The following PDE11A variants were observed in gnomAD, a reference collection of about 807,000 sequenced individuals.
The protein encoded by PDE11A is dual 3',5'-cyclic-AMP and -GMP phosphodiesterase 11A.
Under a neutral mutation model 100.5 loss-of-function variants are expected in PDE11A, and 100 were observed. The observed-to-expected ratio is 1.00, with a 90% CI of 0.85 to 1.18. The LOEUF (loss-of-function observed/expected upper bound fraction) is 1.18. Ranked by LOEUF, PDE11A falls within the 50% of genes most tolerant of loss-of-function variation. PDE11A has a pLI of 0.00. For missense variants in PDE11A, 1,141 were observed against 1,152.6 expected (o/e 0.99, Z 0.15); for synonymous variants, 381 against 420.8 (o/e 0.91, Z 1.16).
Position 177,694,998 on chromosome 2 carries a change from A to ATT in PDE11A, c.2345+2332_2345+2333dup, listed in dbSNP as rs60279596. ...CCTCTCCCTGTTTTCTCTGAATTTC[A>ATT]TTTTTTTTTTCTGTTTGTTTGGCCT... On this transcript the variant is annotated intron_variant, in intron 15 of 19. Coordinates refer to ENST00000286063, the MANE Select transcript of PDE11A (RefSeq NM_016953.4). Among the ~76,000 whole-genome samples the ATT allele has an allele frequency of 6.8e-4, 97 of 142,260 alleles. No individual in the cohort carries two copies. In the Middle Eastern group the frequency reaches 0.011, roughly 16 times the overall value. The allele number at this position is 142,260 out of a possible 152,430, so 93.3% of individuals were successfully genotyped here.
At chr2:177,915,578 T>A (rs1305302861) in intron 2 of PDE11A, among the ~76,000 whole-genome samples, 2 of 152,240 alleles carry the variant, frequency 1.3e-5, no homozygotes, top group Non-Finnish European at 2.9e-5. Context: ...ATACCCATGT[T>A]TGTTTATCCA....
At chr2:177,918,329 T>C (rs998080163) in intron 2 of PDE11A, among the ~76,000 whole-genome samples, 1 of 152,234 alleles carries the variant, frequency 6.6e-6, no homozygotes, top group Non-Finnish European at 1.5e-5. Flanking sequence ...ATTCAGTCTA[T>C]CTGCAACAGA....
chr2:178,013,920 TA>T (rs555502809), intron 2 of PDE11A, among the ~76,000 whole-genome samples: 156 of 152,298 alleles, frequency 1.0e-3, no homozygotes, highest in African/African-American at 3.8e-3. Flanking sequence ...GTTGTAGTTA[TA>T]AAAATATAGG....
chr2:177,699,882 T>C (rs1352908055), intron 14 of PDE11A, among the ~76,000 whole-genome samples: 1 of 152,204 alleles, frequency 6.6e-6, no homozygotes, highest in Non-Finnish European at 1.5e-5. Context: ...TGAACACAAA[T>C]TCTGAGTGAG....
At chr2:177,712,363 A>G (rs1335438924) in intron 12 of PDE11A, among the ~76,000 whole-genome samples, 1 of 146,470 alleles carries the variant, frequency 6.8e-6, no homozygotes, top group South Asian at 2.1e-4. Flanking sequence ...TTTTTTTAAC[A>G]TTAAAAGGAG....
At chr2:177,880,813 T>C (rs1208534044) in intron 4 of PDE11A, among the ~76,000 whole-genome samples, 3 of 152,188 alleles carry the variant, frequency 2.0e-5, no homozygotes, top group African/African-American at 7.2e-5. Flanking sequence ...GATCTTTGGT[T>C]AAATATTGAT....
At chr2:177,641,191 C>T (rs911336853) in intron 19 of PDE11A, among the ~76,000 whole-genome samples, 4 of 152,106 alleles carry the variant, frequency 2.6e-5, no homozygotes, top group East Asian at 1.9e-4. Context: ...TGCTCATCAT[C>T]GCAAGTCCAA....
chr2:177,649,212 T>C (rs147660017), intron 19 of PDE11A, among the ~76,000 whole-genome samples: 6 of 152,280 alleles, frequency 3.9e-5, no homozygotes, highest in Non-Finnish European at 8.8e-5. Context: ...AATTTGGTGA[T>C]ATCTATCACG....
chr2:177,714,349 G>A (rs2105429654), intron 12 of PDE11A, among the ~76,000 whole-genome samples: 1 of 152,300 alleles, frequency 6.6e-6, no homozygotes, highest in Admixed American at 6.5e-5. Flanking sequence ...TATTCACCAA[G>A]TACTCATATT....
chr2:178,049,803 A>T (rs1424286261), intron 1 of PDE11A, among the ~76,000 whole-genome samples: 1 of 151,960 alleles, frequency 6.6e-6, no homozygotes, highest in African/African-American at 2.4e-5. Context: ...AGGCTTGGGG[A>T]GTGGTGCCCG....
At chr2:177,674,403 T>C (rs983453980) in intron 17 of PDE11A, among the ~76,000 whole-genome samples, 10 of 152,246 alleles carry the variant, frequency 6.6e-5, no homozygotes, top group African/African-American at 1.7e-4. Context: ...CTCTGGAGGC[T>C]CTTGGACAGA....
At chr2:177,988,017 C>A (rs1350321823) in intron 2 of PDE11A, among the ~76,000 whole-genome samples, 1 of 152,160 alleles carries the variant, frequency 6.6e-6, no homozygotes, top group Non-Finnish European at 1.5e-5. Flanking sequence ...TCACTGAGTA[C>A]CACCATTGCC....
At chr2:178,050,042 G>A (rs2086802622) in intron 1 of PDE11A, among the ~76,000 whole-genome samples, 2 of 152,158 alleles carry the variant, frequency 1.3e-5, no homozygotes, top group Non-Finnish European at 2.9e-5. Context: ...GGAACGGACA[G>A]ACTGCCTCCT....
chr2:177,790,850 T>C (rs368412169), intron 9 of PDE11A, among the ~76,000 whole-genome samples: 10 of 152,188 alleles, frequency 6.6e-5, no homozygotes, highest in Admixed American at 1.3e-4. Flanking sequence ...CCATCTCACA[T>C]CAGTTAGAAT....
Position 177,672,296 on chromosome 2 carries a change from T to A in PDE11A, c.2488-2729A>T, listed in dbSNP as rs58096985. Among the ~76,000 whole-genome samples, 354 of 152,346 alleles carry A rather than the reference T, an allele frequency of 2.3e-3. 2 individuals are homozygous for A. Among genetic ancestry groups the A allele is most frequent in the African/African-American group, 8.3e-3 (344 of 41,584 alleles). ...GAAATTTAAACCAAAGCACAATTGG[T>A]GAAATACTCTATTGGAAAACTGCCT... On this transcript the variant is annotated intron_variant, in intron 17 of 19. Coordinates refer to ENST00000286063, the MANE Select transcript of PDE11A (RefSeq NM_016953.4).
intron 1 of PDE11A, among the ~76,000 whole-genome samples, chr2:178,016,406 A>G (rs188724615): frequency 5.9e-5 from 9 of 152,050 alleles, no homozygotes; most frequent in East Asian, 1.9e-4. Flanking sequence ...ACAAAACCAA[A>G]TCTCCTGCTC....
At chr2:177,750,101 T>A (rs553596807) in intron 10 of PDE11A, among the ~76,000 whole-genome samples, 1 of 152,348 alleles carries the variant, frequency 6.6e-6, no homozygotes, top group South Asian at 2.1e-4. Context: ...ACATCGTTAA[T>A]TTCTGCACAT....
At chr2:177,655,918 C>T (rs1016137450) in intron 19 of PDE11A, among the ~76,000 whole-genome samples, 1 of 152,128 alleles carries the variant, frequency 6.6e-6, no homozygotes, top group Non-Finnish European at 1.5e-5. Context: ...CATCTCTTAA[C>T]CTGAATATTA....
At position 178,071,525 on chromosome 2, in the gene PDE11A, C is replaced by G; in HGVS notation, c.912+1G>C. The G allele has an allele frequency of 6.2e-7, 1 of 1,613,054 alleles. No homozygotes were observed. The highest frequency in any genetic ancestry group is 2.2e-5 in the East Asian group (1 of 44,878). On this transcript the variant is annotated splice_donor_variant, in intron 1 of 19. Transcript: ENST00000286063. LOFTEE classifies it high-confidence loss of function. ...GAGAAGGGGACAATGCAAAGTCCTA[C>G]CTGGTAGGCATCAGGAATGTTGACC...
Sources: allele counts gnomAD v4.1 joint callset (sites outside exome capture counted in the v4.1 genomes callset), GRCh38; gene constraint gnomAD v4.1.1; transcripts MANE v1.5; gene names NCBI Gene and HGNC (gene_info 2026-07-23, HGNC 2026-07-21).